COBL: variants seen among roughly 807,000 people sequenced by gnomAD.
COBL encodes the protein cordon-bleu WH2 repeat protein.
COBL carries 51 observed loss-of-function variants against 98.8 expected under a neutral mutation model. The observed-to-expected ratio is 0.52, with a 90% CI of 0.41 to 0.65. The LOEUF is 0.65. Among genes scored for constraint, COBL ranks in the 30% least tolerant of loss-of-function variants. The probability of loss-of-function intolerance (pLI) is 0.00; values close to 1 mark genes in which losing one functional copy is unlikely to be tolerated. For synonymous variants in COBL, 634 were observed against 651.7 expected, an observed-to-expected ratio of 0.97 and a Z score of 0.41; for missense variants, 1,617 against 1,617.5, an observed-to-expected ratio of 1.00 and a Z score of 0.01.
intron 6 of COBL, among the ~76,000 whole-genome samples, chr7:51,097,351 TTG>T (rs1795359315): frequency 6.6e-6 from 1 of 152,162 alleles, no homozygotes; most frequent in South Asian, 2.1e-4. Context: ...TCATACTCAA[TTG>T]TGAAAAACTG....
chr7:51,274,015 C>A (rs922447851), intron 1 of COBL, among the ~76,000 whole-genome samples: 3 of 152,122 alleles, frequency 2.0e-5, no homozygotes, highest in African/African-American at 7.2e-5. Context: ...TCCTCCCTTC[C>A]CTGTAATGCT....
chr7:51,222,125 GTTGCAGT>G (rs1224776711), intron 1 of COBL, among the ~76,000 whole-genome samples: 1 of 152,172 alleles, frequency 6.6e-6, no homozygotes, highest in Non-Finnish European at 1.5e-5. Context: ...GGAAGCAGAG[GTTGCAGT>G]GAGCCGAGAT....
intron 1 of COBL, among the ~76,000 whole-genome samples, chr7:51,292,360 A>G (rs953199499): frequency 7.9e-5 from 12 of 152,218 alleles, no homozygotes; most frequent in African/African-American, 2.9e-4. Context: ...AAATCCCATA[A>G]AAAGTCATCC....
At chr7:51,217,435 G>GTCTCC (rs1793173321) in intron 2 of COBL, among the ~76,000 whole-genome samples, 1 of 146,912 alleles carries the variant, frequency 6.8e-6, no homozygotes, top group Non-Finnish European at 1.5e-5. Flanking sequence ...TCCATCTCCC[G>GTCTCC]GGTTCAAGTG....
In COBL at chr7:51,208,925, G is replaced by C. The variant is rs534607301; in HGVS notation, c.245+10816C>G. ...CACAAACACTGCAGAAGGCCGCAGG[G>C]TCCTCTGCCTAGGAAAACCAGAGAC... On this transcript the variant is annotated intron_variant, in intron 2 of 12. Transcript: ENST00000265136. Among the ~76,000 whole-genome samples the C allele has an allele frequency of 4.3e-4, 65 of 151,768 alleles. 1 individual carries two copies. Among genetic ancestry groups the C allele is most frequent in the Non-Finnish European group, 8.1e-4 (55 of 67,928 alleles).
intron 1 of COBL, among the ~76,000 whole-genome samples, chr7:51,240,709 G>GTTAA (rs1554442477): frequency 1.3e-5 from 2 of 151,232 alleles, no homozygotes; most frequent in East Asian, 3.9e-4. Flanking sequence ...ACCACTCCTG[G>GTTAA]CTTTTTGTAT....
At chr7:51,264,892 A>G (rs1798064831) in intron 1 of COBL, among the ~76,000 whole-genome samples, 1 of 152,142 alleles carries the variant, frequency 6.6e-6, no homozygotes, top group Non-Finnish European at 1.5e-5. Flanking sequence ...TTTCATATCC[A>G]TAGGAAATAT....
chr7:51,241,369 T>C (rs984034525), intron 1 of COBL, among the ~76,000 whole-genome samples: 2 of 152,184 alleles, frequency 1.3e-5, no homozygotes, highest in African/African-American at 4.8e-5. Context: ...TAAACTCATT[T>C]TAGAACATAA....
At chr7:51,147,730 T>C (rs1440595112) in intron 5 of COBL, among the ~76,000 whole-genome samples, 1 of 151,524 alleles carries the variant, frequency 6.6e-6, no homozygotes, top group Non-Finnish European at 1.5e-5. Flanking sequence ...CCTAAGAACA[T>C]AAAGTACGTT....
intron 5 of COBL, among the ~76,000 whole-genome samples, chr7:51,141,706 T>C (rs1208019807): frequency 6.6e-6 from 1 of 151,836 alleles, no homozygotes; most frequent in Non-Finnish European, 1.5e-5. Flanking sequence ...TTATCCACAC[T>C]GGCTTTTCTT....
intron 5 of COBL, among the ~76,000 whole-genome samples, chr7:51,183,440 T>C (rs1010946449): frequency 5.3e-5 from 8 of 152,212 alleles, no homozygotes; most frequent in African/African-American, 1.9e-4. Flanking sequence ...AAGGCATTTA[T>C]GGGTTTGATA....
intron 1 of COBL, among the ~76,000 whole-genome samples, chr7:51,264,342 A>G (rs976367173): frequency 6.6e-6 from 1 of 152,152 alleles, no homozygotes; most frequent in Non-Finnish European, 1.5e-5. Context: ...TAACAGTTGG[A>G]TGTTTTACAT....
chr7:51,065,688 A>G (rs1227423350), intron 7 of COBL, among the ~76,000 whole-genome samples: 1 of 152,270 alleles, frequency 6.6e-6, no homozygotes, highest in East Asian at 1.9e-4. Flanking sequence ...CTCTGTCGTC[A>G]TCAGCACACA....
At chr7:51,136,067 T>G in intron 6 of COBL, 91 bp downstream of exon 6, 1 of 1,472,498 alleles carries the variant, frequency 6.8e-7, no homozygotes, top group Non-Finnish European at 9.1e-7. Context: ...GCCACAAACA[T>G]GAAGGATTAC....
chr7:51,112,959 T>C (rs2128979729), intron 6 of COBL, among the ~76,000 whole-genome samples: 1 of 152,166 alleles, frequency 6.6e-6, no homozygotes, highest in East Asian at 1.9e-4. Flanking sequence ...CAACCGAAAA[T>C]AAATTTATTA....
At position 51,297,402 on chromosome 7, in the gene COBL, T is replaced by C. The variant is rs185554646; in HGVS notation, c.41+19191A>G. Among the ~76,000 whole-genome samples the C allele has an allele frequency of 2.7e-4, 40 of 149,812 alleles. 1 individual carries two copies. The highest frequency in any genetic ancestry group is 8.9e-4 in the African/African-American group (36 of 40,528). ...ATCATTTTGAAAATCTTTTTTTTTT[T>C]TTTTTTTGAGATGGAGTCTCACTCT... On this transcript the variant is annotated intron_variant, in intron 1 of 12. Coordinates refer to ENST00000265136, the MANE Select transcript of COBL (RefSeq NM_015198.5).
At chr7:51,211,953 A>T (rs1449744475) in intron 2 of COBL, among the ~76,000 whole-genome samples, 1 of 152,156 alleles carries the variant, frequency 6.6e-6, no homozygotes, top group African/African-American at 2.4e-5. Flanking sequence ...AGGATAAAAG[A>T]CAGTAACAAA....
chr7:51,111,512 C>G (rs951369555), intron 6 of COBL, among the ~76,000 whole-genome samples: 1 of 152,146 alleles, frequency 6.6e-6, no homozygotes, highest in African/African-American at 2.4e-5. Context: ...AGTGTGGCAT[C>G]CTGCTCTTCC....
At chr7:51,297,053 C>A (rs1801479818) in intron 1 of COBL, among the ~76,000 whole-genome samples, 1 of 152,158 alleles carries the variant, frequency 6.6e-6, no homozygotes, top group Non-Finnish European at 1.5e-5. Context: ...TCTTTTGAGT[C>A]CCCTCTCTGC....
Sources: allele counts gnomAD v4.1 joint callset (sites outside exome capture counted in the v4.1 genomes callset), GRCh38; gene constraint gnomAD v4.1.1; transcripts MANE v1.5; gene names NCBI Gene and HGNC (gene_info 2026-07-23, HGNC 2026-07-21).